Variants in LANCL1 observed in about 807,000 individuals in gnomAD.
LANCL1 encodes LanC like glutathione S-transferase 1, also known as glutathione S-transferase LANCL1.
In LANCL1, 50 loss-of-function variants were observed where a neutral mutation model predicts 50.6. That is an observed-to-expected ratio of 0.99 (90% CI 0.79 to 1.25). The LOEUF (loss-of-function observed/expected upper bound fraction) is 1.25. Among genes scored for constraint, LANCL1 ranks in the 50% most tolerant of loss-of-function variants. The pLI is 0.00. For missense variants in LANCL1, 532 were observed against 480.7 expected, an observed-to-expected ratio of 1.11 and a Z score of -1.00; for synonymous variants, 188 against 178.6, an observed-to-expected ratio of 1.05 and a Z score of -0.42.
rs190767202 is a variant in LANCL1, at chr2:210,450,323, T to C, written c.407+4784A>G. Among the ~76,000 whole-genome samples the C allele has an allele frequency of 2.0e-4, 31 of 152,212 alleles. 3 individuals carry two copies. The South Asian group carries it at 5.0e-3, about 24-fold the overall frequency. On this transcript the variant is annotated intron_variant, in intron 4 of 9. Transcript: ENST00000450366. ...AAACTGAAACTGGACCTCTTCCTTA[T>C]ACTTTATACAAAAATTAACTCAAGA...
At chr2:210,470,560 G>A (rs1269973552) in intron 3 of LANCL1, among the ~76,000 whole-genome samples, 2 of 151,982 alleles carry the variant, frequency 1.3e-5, no homozygotes, top group African/African-American at 2.4e-5. Context: ...TCTGAACATC[G>A]GTAATCCTAA....
intron 3 of LANCL1, among the ~76,000 whole-genome samples, chr2:210,464,915 G>A (rs1471594796): frequency 2.7e-5 from 4 of 145,980 alleles, no homozygotes; most frequent in East Asian, 2.0e-4. Flanking sequence ...GCAGTGAGCC[G>A]AGATTGCGCC....
At chr2:210,435,320 C>A in intron 9 of LANCL1, 67 bp downstream of exon 9, 1 of 1,273,040 alleles carries the variant, frequency 7.9e-7, no homozygotes, top group Non-Finnish European at 1.1e-6. Context: ...AACTTAAATA[C>A]ATTAATTACC....
chr2:210,476,445 G>C, intron 1 of LANCL1, 33 bp from the exon 2 acceptor site: 1 of 1,587,926 alleles, frequency 6.3e-7, no homozygotes, highest in Non-Finnish European at 8.6e-7. Flanking sequence ...AAACTAGGTT[G>C]AGATAGGGGC....
chr2:210,473,902 T>C (rs1447880861), intron 2 of LANCL1, among the ~76,000 whole-genome samples: 1 of 152,226 alleles, frequency 6.6e-6, no homozygotes, highest in African/African-American at 2.4e-5. Flanking sequence ...TCAATGTTAA[T>C]ACAAAAGGCC....
intron 6 of LANCL1, 59 bp downstream of exon 6, chr2:210,440,539 C>T: frequency 1.3e-6 from 2 of 1,496,100 alleles, no homozygotes; most frequent in Non-Finnish European, 9.1e-7. Context: ...GTTTTCTCAC[C>T]CATGATAGTA....
chr2:210,476,915 C>G, upstream of LANCL1: 1 of 646,236 alleles, frequency 1.5e-6, no homozygotes, highest in Non-Finnish European at 1.9e-6. Context: ...GACCTAGAAT[C>G]ACGCGGAGAT....
chr2:210,464,140 G>A (rs1249504103), intron 3 of LANCL1, among the ~76,000 whole-genome samples: 1 of 152,166 alleles, frequency 6.6e-6, no homozygotes. Flanking sequence ...AAAGCATTGT[G>A]TATATACGAA....
intron 4 of LANCL1, among the ~76,000 whole-genome samples, chr2:210,447,083 G>A (rs2105899092): frequency 6.6e-6 from 1 of 152,308 alleles, no homozygotes; most frequent in Non-Finnish European, 1.5e-5. Context: ...AGGAAAAAGT[G>A]TTAAGGGCAG....
intron 2 of LANCL1, among the ~76,000 whole-genome samples, chr2:210,473,672 T>C (rs928141604): frequency 3.9e-5 from 6 of 152,148 alleles, no homozygotes; most frequent in Non-Finnish European, 8.8e-5. Context: ...AGTTTAAGGA[T>C]ACGTTAAGAT....
At chr2:210,477,097 G>T (rs1283454929), upstream of LANCL1, among the ~76,000 whole-genome samples, 1 of 150,368 alleles carries the variant, frequency 6.7e-6, no homozygotes, top group Non-Finnish European at 1.5e-5. Context: ...TTGGCGGGGG[G>T]TGGGGGGATA....
chr2:210,470,325 C>A (rs1050211986), intron 3 of LANCL1, among the ~76,000 whole-genome samples: 2 of 151,928 alleles, frequency 1.3e-5, no homozygotes, highest in African/African-American at 4.8e-5. Context: ...ATAAAATGGT[C>A]CAACATTATC....
intron 4 of LANCL1, among the ~76,000 whole-genome samples, chr2:210,442,985 T>A (rs932091664): frequency 2.0e-5 from 3 of 152,216 alleles, no homozygotes; most frequent in African/African-American, 7.2e-5. Context: ...GAGGGAAATT[T>A]CCCCACAGAT....
intron 3 of LANCL1, among the ~76,000 whole-genome samples, chr2:210,463,821 G>A (rs531911461): frequency 6.6e-6 from 1 of 152,052 alleles, no homozygotes; most frequent in East Asian, 1.9e-4. Context: ...CTTTCCCACG[G>A]TCAGGGCATT....
At chr2:210,456,085 T>C (rs1693666062) in intron 3 of LANCL1, among the ~76,000 whole-genome samples, 1 of 152,182 alleles carries the variant, frequency 6.6e-6, no homozygotes, top group South Asian at 2.1e-4. Flanking sequence ...TTATTTCAAA[T>C]GCCTGTCACA....
chr2:210,472,219 T>G, intron 2 of LANCL1, 143 bp from the exon 3 acceptor site: 1 of 589,230 alleles, frequency 1.7e-6, no homozygotes, highest in East Asian at 2.8e-5. Context: ...TATTTTCTAT[T>G]CTTAAACAAC....
At chr2:210,452,424 G>A (rs1391373379) in intron 4 of LANCL1, among the ~76,000 whole-genome samples, 2 of 151,872 alleles carry the variant, frequency 1.3e-5, no homozygotes, top group African/African-American at 4.8e-5. Flanking sequence ...ATGTGTAGAA[G>A]TGGGTGGGAT....
intron 4 of LANCL1, among the ~76,000 whole-genome samples, chr2:210,453,922 CTG>C (rs1270801107): frequency 6.6e-6 from 1 of 151,956 alleles, no homozygotes; most frequent in Non-Finnish European, 1.5e-5. Context: ...CTTCTCAGCT[CTG>C]GAGTGGAATG....
chr2:210,472,067 C>T lies in LANCL1; in HGVS notation c.91G>A (p.Glu31Lys), dbSNP rs765405809. 49 of 1,611,076 alleles carry T rather than the reference C, an allele frequency of 3.0e-5. 1 individual carries two copies. In the Admixed American group the frequency reaches 3.3e-4, roughly 11 times the overall value. The change falls in exon 3 of 10, where the codon GAG (glutamate) becomes AAG (lysine). Residue 31 changes from glutamate (E) to lysine (K), a missense_variant. Physicochemically the swap from Glu to Lys is moderately conservative, Grantham distance 56 (BLOSUM62 1). Coordinates refer to ENST00000450366, the MANE Select transcript of LANCL1 (RefSeq NM_006055.3). ...TTATTGGTCAAGCGTTGTGAGAACTCAGGAGTCAGCTAGATATTAAAGGAA... is the reference window on the plus strand; with the variant it reads ...TTATTGGTCAAGCGTTGTGAGAACTTAGGAGTCAGCTAGATATTAAAGGAA... ...YFDAAGRLTPEFSQRLTNKIR... is the reference protein window; with the variant it reads ...YFDAAGRLTPKFSQRLTNKIR...
Sources: gnomAD v4.1 joint callset for allele counts (sites outside exome capture counted in the v4.1 genomes callset) on GRCh38, gnomAD v4.1.1 for gene constraint, MANE v1.5 for transcripts, NCBI Gene and HGNC (gene_info 2026-07-23, HGNC 2026-07-21) for gene names.